The following LRRC49 variants were observed in gnomAD, a reference collection of about 807,000 sequenced individuals.
The protein encoded by LRRC49 is leucine-rich repeat-containing protein 49.
LRRC49 carries 50 observed loss-of-function variants against 83.3 expected under a neutral mutation model. The observed-to-expected ratio is 0.60, with a 90% CI of 0.48 to 0.76. The LOEUF (loss-of-function observed/expected upper bound fraction) is 0.76, where lower values mean the gene tolerates loss of function less well. Among genes scored for constraint, LRRC49 ranks in the 30% least tolerant of loss-of-function variants. LRRC49 has a pLI of 0.00. For missense variants in LRRC49, 704 were observed against 809.1 expected (o/e 0.87, Z 1.58); for synonymous variants, 286 against 283.3 (o/e 1.01, Z -0.10).
intron 8 of LRRC49, among the ~76,000 whole-genome samples, chr15:70,954,696 C>A (rs1422943625): frequency 3.4e-5 from 5 of 147,784 alleles, no homozygotes. Flanking sequence ...TTTTAGGGGG[C>A]AAGACTCAGC....
Position 70,897,805 on chromosome 15 carries a change from ATTG to A in LRRC49, c.193+1872_193+1874del, listed in dbSNP as rs1308155904. Among the ~76,000 whole-genome samples, 4 of 152,310 alleles carry A rather than the reference ATTG, an allele frequency of 2.6e-5. No individual in the cohort carries two copies. The East Asian group carries it at 7.7e-4, about 29-fold the overall frequency. On this transcript the variant is annotated intron_variant, in intron 3 of 15. Coordinates refer to ENST00000260382, the MANE Select transcript of LRRC49 (RefSeq NM_017691.5). Reference sequence around the variant, plus strand: ...GTGATTTCTTTAGGCTTCTTAGAATATTGTTAAGAGTTAACCCCTGTCTTTGAG... The same window carrying A: ...GTGATTTCTTTAGGCTTCTTAGAATATTAAGAGTTAACCCCTGTCTTTGAG...
intron 6 of LRRC49, among the ~76,000 whole-genome samples, chr15:70,915,574 GT>G (rs2034737668): frequency 6.6e-6 from 1 of 151,992 alleles, no homozygotes; most frequent in African/African-American, 2.4e-5. Context: ...CTTCCTCTCT[GT>G]TTTTCCTTAG....
intron 1 of LRRC49, among the ~76,000 whole-genome samples, chr15:70,872,150 T>C (rs1292256800): frequency 6.6e-6 from 1 of 152,182 alleles, no homozygotes; most frequent in Admixed American, 6.5e-5. Context: ...TCCTGGCACC[T>C]CGGGAGGCCG....
At chr15:70,859,600 T>C in intron 1 of LRRC49, 1 of 648,552 alleles carries the variant, frequency 1.5e-6, no homozygotes. Context: ...CTGGGAAGCT[T>C]GGGCATGACC....
rs1248371546 is a variant in LRRC49 at position 70,868,246 on chromosome 15, T to C, written c.-298-4662T>C. 9.2e-5 allele frequency among the ~76,000 whole-genome samples: 14 copies of C among 152,342 alleles called. 1 individual carries two copies. Among genetic ancestry groups the C allele is most frequent in the East Asian group, 7.7e-4 (4 of 5,188 alleles). The stretch of plus-strand genomic sequence containing the variant: ...GCTAAAACTTCCTTCCAGTGTTCTA[T>C]TGGGGCTAAATGATATAGAGAAATT... On this transcript the variant is annotated intron_variant, in intron 1 of 16. Coordinates refer to the LRRC49 transcript ENST00000544974.
intron 8 of LRRC49, among the ~76,000 whole-genome samples, chr15:70,946,387 C>G (rs1440320900): frequency 6.6e-6 from 1 of 152,072 alleles, no homozygotes; most frequent in Non-Finnish European, 1.5e-5. Flanking sequence ...ATAATATCCT[C>G]CAGGTTTGTC....
intron 1 of LRRC49, among the ~76,000 whole-genome samples, chr15:70,857,672 A>T (rs1039305094): frequency 2.6e-5 from 4 of 152,214 alleles, no homozygotes; most frequent in African/African-American, 9.6e-5. Flanking sequence ...CCTAGGAAAG[A>T]CAGCCTTCAA....
chr15:71,024,024 C>T (rs1255587605), intron 14 of LRRC49, among the ~76,000 whole-genome samples: 2 of 152,254 alleles, frequency 1.3e-5, no homozygotes, highest in Non-Finnish European at 2.9e-5. Flanking sequence ...GCCATCACTG[C>T]AGTAACCCAT....
chr15:71,051,886 C>T lies in LRRC49; in HGVS notation c.*2274C>T, dbSNP rs2039999124. On this transcript the variant is annotated 3_prime_UTR_variant, in exon 16 of 16. Transcript: ENST00000260382. Reference sequence around the variant, plus strand: ...CCTGAAACCAAGCCTCTTTATTCCTCAGCTTTGGTCTCTGCTTCCTTCCTA... The same window carrying T: ...CCTGAAACCAAGCCTCTTTATTCCTTAGCTTTGGTCTCTGCTTCCTTCCTA... The T allele has an allele frequency of 6.6e-6, 1 of 152,542 alleles. No homozygotes were observed. Among genetic ancestry groups the T allele is most frequent in the Admixed American group, 6.5e-5 (1 of 15,282 alleles). 9.4% of individuals were successfully genotyped at this position (152,542 alleles called of 1,614,324 possible). A position where few individuals can be genotyped will look rare whatever the true frequency, so the allele number is the denominator to read the frequency against.
chr15:70,888,054 G>T (rs1445060711), upstream of LRRC49, among the ~76,000 whole-genome samples: 1 of 152,102 alleles, frequency 6.6e-6, no homozygotes, highest in East Asian at 1.9e-4. Context: ...CCAAATAAAT[G>T]GAGATATATG....
chr15:70,995,904 GT>G (rs1308035451), intron 11 of LRRC49, among the ~76,000 whole-genome samples: 2 of 152,146 alleles, frequency 1.3e-5, no homozygotes, highest in Non-Finnish European at 2.9e-5. Context: ...CCACAAAGTC[GT>G]TAGCTTTTAA....
At chr15:71,013,513 T>C (rs2038727714) in intron 14 of LRRC49, among the ~76,000 whole-genome samples, 1 of 152,164 alleles carries the variant, frequency 6.6e-6, no homozygotes, top group African/African-American at 2.4e-5. Context: ...CAGGCAGAGC[T>C]TGAAGTAATG....
intron 14 of LRRC49, among the ~76,000 whole-genome samples, chr15:71,019,731 A>G (rs183757165): frequency 5.9e-5 from 9 of 152,360 alleles, no homozygotes; most frequent in Middle Eastern, 3.4e-3. Context: ...CAGTCCTCAT[A>G]TAGATGTGCA....
intron 5 of LRRC49, among the ~76,000 whole-genome samples, chr15:70,909,374 C>T (rs1374420502): frequency 6.6e-6 from 1 of 151,976 alleles, no homozygotes; most frequent in African/African-American, 2.4e-5. Context: ...ATTTGAGAAC[C>T]ACTGTTTTAG....
intron 1 of LRRC49, among the ~76,000 whole-genome samples, chr15:70,860,875 GTAAC>G (rs1433906307): frequency 6.6e-6 from 1 of 152,180 alleles, no homozygotes; most frequent in Non-Finnish European, 1.5e-5. Context: ...GTATAATCAT[GTAAC>G]TAAATTCTGG....
chr15:70,990,070 C>T (rs1006311287), intron 11 of LRRC49, among the ~76,000 whole-genome samples: 2 of 152,136 alleles, frequency 1.3e-5, no homozygotes, highest in African/African-American at 2.4e-5. Context: ...TTAGGCTGCT[C>T]GGGGGTCAGG....
chr15:70,923,290 T>C (rs1460185243), intron 7 of LRRC49, among the ~76,000 whole-genome samples: 1 of 152,010 alleles, frequency 6.6e-6, no homozygotes, highest in African/African-American at 2.4e-5. Flanking sequence ...GCTGAGGTTT[T>C]TATTTACTTA....
In LRRC49 at chr15:70,900,918, A is replaced by G; in HGVS notation, c.194-4A>G. ...TTAAGTAATTTGTATATCATTTTTA[A>G]TAGGTGATCATATTAATTTGGTGAG... On this transcript the variant is annotated splice_polypyrimidine_tract_variant and splice_region_variant and intron_variant, in intron 3 of 15. Transcript: ENST00000260382. The G allele has an allele frequency of 6.5e-7, 1 of 1,537,744 alleles. No individual in the cohort carries two copies. The highest frequency in any genetic ancestry group is 1.7e-4 in the Middle Eastern group (1 of 5,868).
At chr15:71,016,802 A>G (rs1177955976) in intron 14 of LRRC49, among the ~76,000 whole-genome samples, 2 of 152,154 alleles carry the variant, frequency 1.3e-5, no homozygotes, top group Non-Finnish European at 2.9e-5. Context: ...TAACTCTGAC[A>G]TACACAATAA....
Sources: allele counts gnomAD v4.1 joint callset (sites outside exome capture counted in the v4.1 genomes callset), GRCh38; gene constraint gnomAD v4.1.1; transcripts MANE v1.5; gene names NCBI Gene and HGNC (gene_info 2026-07-23, HGNC 2026-07-21).